The following ZNF333 variants were observed in gnomAD, a reference collection of about 807,000 sequenced individuals.
ZNF333 encodes the protein zinc finger protein 333.
In ZNF333, 61 loss-of-function variants were observed where a neutral mutation model predicts 76.1. The observed-to-expected ratio is 0.80, with a 90% CI of 0.65 to 0.99. The LOEUF (loss-of-function observed/expected upper bound fraction) is 0.99, where lower values mean the gene tolerates loss of function less well. Ranked by LOEUF, ZNF333 falls within the 50% of genes least tolerant of loss-of-function variation. The probability of loss-of-function intolerance (pLI) is 0.00; values close to 1 mark genes in which losing one functional copy is unlikely to be tolerated. For missense variants in ZNF333, 717 were observed against 822.4 expected (o/e 0.87, Z 1.57); for synonymous variants, 284 against 305.0 (o/e 0.93, Z 0.72).
intron 5 of ZNF333, among the ~76,000 whole-genome samples, chr19:14,703,648 G>A (rs943294967): frequency 6.6e-6 from 1 of 152,178 alleles, no homozygotes; most frequent in Non-Finnish European, 1.5e-5. Context: ...AAGGAGCGAG[G>A]GGATAGCCCA....
chr19:14,698,901 T>TATAG (rs1555771048), intron 4 of ZNF333, among the ~76,000 whole-genome samples: 1 of 12,200 alleles, frequency 8.2e-5, no homozygotes, highest in Admixed American at 7.4e-4. Context: ...CAAATATAGA[T>TATAG]ATATATATAT....
rs186425810 is a variant in ZNF333 at position 14,707,429 on chromosome 19, C to T, written c.511+656C>T. 8.1e-3 allele frequency among the ~76,000 whole-genome samples: 1,170 copies of T among 144,092 alleles called. 14 individuals carry two copies. Among genetic ancestry groups the T allele is most frequent in the Middle Eastern group, 0.025 (7 of 278 alleles). The allele number at this position is 144,092 out of a possible 152,430, so 94.5% of individuals were successfully genotyped here. A position where few individuals can be genotyped will look rare whatever the true frequency, so the allele number is the denominator to read the frequency against. ...GTCTCTAAAGAAATAGGTTCAAAGC[C>T]ACTTCTCCTGAGAAGTGGGGAAGAA... On this transcript the variant is annotated intron_variant, in intron 7 of 11. Transcript: ENST00000292530.
intron 1 of ZNF333, 57 bp from the exon 2 acceptor site, chr19:14,693,394 A>C: frequency 1.4e-6 from 2 of 1,409,604 alleles, no homozygotes; most frequent in Non-Finnish European, 1.9e-6. Flanking sequence ...AGATCCCCCA[A>C]AATGCTCTGC....
In ZNF333 at chr19:14,719,161, C is replaced by T. The variant is rs779754718; in HGVS notation, c.1834C>T (p.His612Tyr). 1 of 1,614,186 alleles carries T rather than the reference C, an allele frequency of 6.2e-7. No homozygotes were observed. Among genetic ancestry groups the T allele is most frequent in the Non-Finnish European group, 8.5e-7 (1 of 1,180,038 alleles). Residue 612 changes from histidine (H) to tyrosine (Y), a missense_variant, in exon 12 of 12, where the codon CAC becomes TAC. Physicochemically the swap from His to Tyr is moderately conservative, Grantham distance 83. Transcript: ENST00000292530. Reference sequence around the variant, plus strand: ...ACATCTTATTGTACATGTGAGAACACACAGTGCCGGGAGACCCTATCAATG... The same window carrying T: ...ACATCTTATTGTACATGTGAGAACATACAGTGCCGGGAGACCCTATCAATG... ...SSHLIVHVRT[H>Y]SAGRPYQCNQ... is the part of the protein sequence containing the mutation.
chr19:14,698,539 T>C (rs1038113686), intron 4 of ZNF333, among the ~76,000 whole-genome samples: 5 of 151,076 alleles, frequency 3.3e-5, no homozygotes, highest in African/African-American at 1.2e-4. Flanking sequence ...AGTGAGACCC[T>C]ATCTCAAAAA....
chr19:14,699,258 G>A lies in ZNF333; in HGVS notation c.283G>A (p.Ala95Thr). The A allele has an allele frequency of 1.2e-6, 2 of 1,613,818 alleles. No individual in the cohort carries two copies. The highest frequency in any genetic ancestry group is 3.3e-4 in the Middle Eastern group (2 of 6,062). ...LPSMQDLLEE[A>T]SSRDMQMGPG... is the part of the protein sequence containing the mutation. The stretch of plus-strand genomic sequence containing the variant: ...TTCTATGCAGGATCTTTTGGAAGAA[G>A]CATCCTCCAGGGACATGCAAATGGT... The change falls in exon 5 of 12, where the codon GCA becomes ACA. Residue 95 changes from alanine to threonine, a missense_variant. By Grantham distance (58) the Ala-to-Thr change is moderately conservative. Transcript: ENST00000292530.
rs746332613 is a variant in ZNF333, at chr19:14,718,894, G to A, written c.1567G>A (p.Val523Met). ...CTTCCGGACGAGCACTCATCTGAAC[G>A]TGCACAAGAGGATACACACAGGGGA... ...KPFRTSTHLNVHKRIHTGEKL... is the reference protein window; with the variant it reads ...KPFRTSTHLNMHKRIHTGEKL... Residue 523 changes from valine to methionine, a missense_variant, in exon 12 of 12, where the codon GTG becomes ATG. By Grantham distance (21) the Val-to-Met change is conservative. Coordinates refer to ENST00000292530, the MANE Select transcript of ZNF333 (RefSeq NM_032433.4). 71 of 1,613,968 alleles carry A rather than the reference G, an allele frequency of 4.4e-5. No homozygotes were observed. Among genetic ancestry groups the A allele is most frequent in the South Asian group, 7.7e-5 (7 of 91,078 alleles).
chr19:14,713,808 A>C lies in ZNF333; in HGVS notation c.512-1574A>C, dbSNP rs138652523. The stretch of plus-strand genomic sequence containing the variant: ...CCCCCATCTCTAAAAAAATAAAAAA[A>C]AAATTAACAGGGTGTGGTGGTGCAC... On this transcript the variant is annotated intron_variant, in intron 7 of 11. Coordinates refer to ENST00000292530, the MANE Select transcript of ZNF333 (RefSeq NM_032433.4). 2.6e-5 allele frequency among the ~76,000 whole-genome samples: 4 copies of C among 152,178 alleles called. No homozygotes were observed. In the East Asian group the frequency reaches 7.7e-4, roughly 29 times the overall value.
intron 1 of ZNF333, among the ~76,000 whole-genome samples, chr19:14,691,448 G>A (rs1301448976): frequency 6.6e-6 from 1 of 152,184 alleles, no homozygotes; most frequent in Non-Finnish European, 1.5e-5. Context: ...TAAAGCTCGT[G>A]TCTACTGAGA....
chr19:14,701,853 C>T (rs988707168), intron 5 of ZNF333: 1 of 985,402 alleles, frequency 1.0e-6, no homozygotes, highest in African/African-American at 1.7e-5. Flanking sequence ...TTTAGAGAAG[C>T]TGAGGAGTTC....
chr19:14,709,396 A>G (rs548255553), intron 7 of ZNF333: 24 of 152,358 alleles, frequency 1.6e-4, no homozygotes, highest in African/African-American at 5.8e-4. Flanking sequence ...AAATATGGTT[A>G]CCAGGGGTGA....
chr19:14,707,041 G>T, intron 7 of ZNF333: 1 of 387,658 alleles, frequency 2.6e-6, no homozygotes, highest in South Asian at 5.0e-5. Flanking sequence ...TTGACTACAC[G>T]ATAATGTTGA....
chr19:14,718,512 C>CT lies in ZNF333; in HGVS notation c.1186dup (p.Cys396LeufsTer28), dbSNP rs2147023644. 1 of 1,614,242 alleles carries CT rather than the reference C, an allele frequency of 6.2e-7. No individual in the cohort carries two copies. The highest frequency in any genetic ancestry group is 2.2e-5 in the East Asian group (1 of 44,888). On this transcript the variant is annotated frameshift_variant, in exon 12 of 12. Transcript: ENST00000292530. LOFTEE classifies it high-confidence loss of function. ...CTCATACTGCAGAGAAGTGCTTTGA[C>CT]TGTCAAGAATGTGGGCAAGCCTTCA...
At chr19:14,728,884 A>G (rs991167648) in intron 11 of ZNF333, among the ~76,000 whole-genome samples, 1 of 152,198 alleles carries the variant, frequency 6.6e-6, no homozygotes, top group African/African-American at 2.4e-5. Flanking sequence ...TCCTTAACGC[A>G]ATCCCTGCCT....
chr19:14,720,992 C>G lies in ZNF333; in HGVS notation c.*1667C>G, dbSNP rs182266265. 2.2e-6 allele frequency: 2 copies of G among 901,294 alleles called. No individual in the cohort carries two copies. The highest frequency in any genetic ancestry group is 5.2e-5 in the South Asian group (1 of 19,390). 55.8% of individuals were successfully genotyped at this position (901,294 alleles called of 1,614,324 possible). A position where few individuals can be genotyped will look rare whatever the true frequency, so the allele number is the denominator to read the frequency against. On this transcript the variant is annotated 3_prime_UTR_variant, in exon 12 of 12. Coordinates refer to ENST00000292530, the MANE Select transcript of ZNF333 (RefSeq NM_032433.4). ...GTTACTTTTATTCTTATAAAGTGAT[C>G]ATCCTTTTCCCTATTACTGAACATT...
chr19:14,717,191 A>G (rs2042459895), intron 10 of ZNF333, 102 bp downstream of exon 10: 4 of 926,118 alleles, frequency 4.3e-6, no homozygotes, highest in Non-Finnish European at 3.2e-6. Flanking sequence ...CCTTTGACTG[A>G]GAAGCCTGTT....
intron 5 of ZNF333, among the ~76,000 whole-genome samples, chr19:14,704,713 C>G (rs964027926): frequency 6.6e-6 from 1 of 152,130 alleles, no homozygotes; most frequent in Non-Finnish European, 1.5e-5. Context: ...CTCATTATCA[C>G]GAGAACAATC....
At chr19:14,699,985 G>A (rs1973561961) in intron 5 of ZNF333, among the ~76,000 whole-genome samples, 1 of 151,880 alleles carries the variant, frequency 6.6e-6, no homozygotes, top group Non-Finnish European at 1.5e-5. Context: ...ATATTGGCGA[G>A]CTTTCCACCA....
chr19:14,724,296 C>CT (rs1388956886), downstream of ZNF333, among the ~76,000 whole-genome samples: 3 of 152,198 alleles, frequency 2.0e-5, no homozygotes, highest in Non-Finnish European at 4.4e-5. Flanking sequence ...GCCTTCAAAC[C>CT]TAGCACAGTA....
Sources: allele counts gnomAD v4.1 joint callset (sites outside exome capture counted in the v4.1 genomes callset), GRCh38; gene constraint gnomAD v4.1.1; transcripts MANE v1.5; gene names NCBI Gene and HGNC (gene_info 2026-07-23, HGNC 2026-07-21).